HENMT1: variants seen among roughly 807,000 people sequenced by gnomAD.
The protein encoded by HENMT1 is HEN methyltransferase 1.
Under a neutral mutation model 31.1 loss-of-function variants are expected in HENMT1, and 27 were observed. The ratio of observed to expected loss-of-function variants is 0.87; its 90% confidence interval spans 0.64 to 1.20. The LOEUF (loss-of-function observed/expected upper bound fraction) is 1.20, where lower values mean the gene tolerates loss of function less well. Among genes scored for constraint, HENMT1 ranks in the 50% most tolerant of loss-of-function variants. HENMT1 has a pLI of 0.00. For missense variants in HENMT1, 438 were observed against 469.6 expected, an observed-to-expected ratio of 0.93 and a Z score of 0.62; for synonymous variants, 167 against 172.2, an observed-to-expected ratio of 0.97 and a Z score of 0.24.
chr1:108,652,936 T>C (rs1658103129), intron 5 of HENMT1, among the ~76,000 whole-genome samples: 1 of 151,990 alleles, frequency 6.6e-6, no homozygotes, highest in South Asian at 2.1e-4. Context: ...AGTGTTTCTA[T>C]GCCTGACTTA....
In HENMT1 at chr1:108,648,620, A is replaced by T. The variant is rs780895929; in HGVS notation, c.1128T>A (p.Gly376=). Residue 376 remains glycine (G), a synonymous_variant, in exon 8 of 8, where the codon GGT becomes GGA. Coordinates refer to ENST00000651461, the MANE Select transcript of HENMT1 (RefSeq NM_001102592.2). ...IADSIPLSSD[G]SAVVADLRNY... The stretch of plus-strand genomic sequence containing the variant: ...TACGCAGGTCAGCCACCACTGCAGA[A>T]CCATCACTGCTCAGAGGAATTGAGT... The T allele has an allele frequency of 6.2e-7, 1 of 1,614,242 alleles. No homozygotes were observed. The highest frequency in any genetic ancestry group is 2.2e-5 in the East Asian group (1 of 44,896).
chr1:108,655,549 A>C (rs1390773019), intron 4 of HENMT1, 37 bp downstream of exon 4: 1 of 1,203,112 alleles, frequency 8.3e-7, no homozygotes. Flanking sequence ...CATTAGTTTT[A>C]GATTAACGCA....
Position 108,648,774 on chromosome 1 carries a change from T to G in HENMT1, c.974A>C (p.Lys325Thr). ...GPVFTEVEKAKIENSPTPFCV... is the reference protein window; with the variant it reads ...GPVFTEVEKATIENSPTPFCV... Reference sequence around the variant, plus strand: ...GAAGGGTGTGGGAGAGTTCTCTATCTTGGCCTTCTCAACCTCTGTGAAGAC... The same window carrying G: ...GAAGGGTGTGGGAGAGTTCTCTATCGTGGCCTTCTCAACCTCTGTGAAGAC... The change falls in exon 8 of 8, where the codon AAG (lysine) becomes ACG (threonine). Residue 325 changes from lysine to threonine, a missense_variant. Coordinates refer to ENST00000651461, the MANE Select transcript of HENMT1 (RefSeq NM_001102592.2). 6 of 1,614,196 alleles carry G rather than the reference T, an allele frequency of 3.7e-6. No individual in the cohort carries two copies. The highest frequency in any genetic ancestry group is 5.1e-6 in the Non-Finnish European group (6 of 1,180,044).
At chr1:108,650,583 A>G (rs1658021043) in intron 6 of HENMT1, among the ~76,000 whole-genome samples, 195 bp from the exon 7 acceptor site, 1 of 152,184 alleles carries the variant, frequency 6.6e-6, no homozygotes, top group Non-Finnish European at 1.5e-5. Context: ...TCAGTTTCCA[A>G]TTTACCCTAA....
In HENMT1 at chr1:108,661,049, T is replaced by C. The variant is rs1245768935; in HGVS notation, c.-165A>G. ...TGCCCAACCGAAAAAACAAAGCTCG[T>C]CGCGGAGCCGCCAGCGTCCTCAACT... is the stretch of plus-strand genomic sequence containing the variant. On this transcript the variant is annotated 5_prime_UTR_variant, in exon 1 of 8. Coordinates refer to ENST00000651461, the MANE Select transcript of HENMT1 (RefSeq NM_001102592.2). The C allele has an allele frequency of 2.0e-6, 2 of 977,044 alleles. No homozygotes were observed. Among genetic ancestry groups the C allele is most frequent in the South Asian group, 4.7e-5 (1 of 21,108 alleles). The allele number at this position is 977,044 out of a possible 1,614,324, so 60.5% of individuals were successfully genotyped here.
Position 108,651,751 on chromosome 1 carries a change from AGGGAG to A in HENMT1, c.399-547_399-543del, listed in dbSNP as rs1225676791. Among the ~76,000 whole-genome samples, 7 of 141,468 alleles carry A rather than the reference AGGGAG, an allele frequency of 4.9e-5. No individual in the cohort carries two copies. The South Asian group carries it at 1.0e-3, about 20-fold the overall frequency. The allele number at this position is 141,468 out of a possible 152,430, so 92.8% of individuals were successfully genotyped here. A position where few individuals can be genotyped will look rare whatever the true frequency, so the allele number is the denominator to read the frequency against. On this transcript the variant is annotated intron_variant, in intron 5 of 7. Coordinates refer to ENST00000651461, the MANE Select transcript of HENMT1 (RefSeq NM_001102592.2). Reference sequence around the variant, plus strand: ...AAGAGAGAGAAGAGAAGAGAGGGGAAGGGAGGGGAGGGGAGGGGGAAAAAGAACAA... The same window carrying A: ...AAGAGAGAGAAGAGAAGAGAGGGGAAGGGAGGGGAGGGGGAAAAAGAACAA...
In HENMT1 at chr1:108,659,904, G is replaced by T. The variant is rs773936370; in HGVS notation, c.-20C>A. ...TTCCATTTTGTTTCGAAGTTTTGTT[G>T]AAACAAAAATGAAGATTTATCCTTC... On this transcript the variant is annotated 5_prime_UTR_variant, in exon 2 of 8. Transcript: ENST00000651461. The T allele has an allele frequency of 1.1e-5, 17 of 1,597,512 alleles. No individual in the cohort carries two copies. Among genetic ancestry groups the T allele is most frequent in the South Asian group, 1.1e-5 (1 of 88,790 alleles).
chr1:108,661,274 T>C (rs1658474177), upstream of HENMT1: 1 of 152,236 alleles, frequency 6.6e-6, no homozygotes, highest in African/African-American at 2.4e-5. Context: ...AAGGCGTCGG[T>C]TTTGCGTCTC....
chr1:108,657,377 C>T (rs1017799748), intron 3 of HENMT1, 74 bp downstream of exon 3: 2 of 1,069,950 alleles, frequency 1.9e-6, no homozygotes, highest in East Asian at 4.8e-5. Context: ...CCATACTAAT[C>T]CATTTGACAA....
intron 5 of HENMT1, among the ~76,000 whole-genome samples, chr1:108,652,826 C>A (rs565717448): frequency 2.1e-3 from 315 of 151,950 alleles, no homozygotes; most frequent in African/African-American, 7.2e-3. Flanking sequence ...CACCTGTAAT[C>A]CCAGCTGCTC....
At chr1:108,653,579 T>C (rs1658124368) in intron 5 of HENMT1, among the ~76,000 whole-genome samples, 1 of 152,234 alleles carries the variant, frequency 6.6e-6, no homozygotes, top group Non-Finnish European at 1.5e-5. Flanking sequence ...GTTCCCTTTC[T>C]CTGCATCCTT....
At position 108,648,316 on chromosome 1, in the gene HENMT1, C is replaced by T; in HGVS notation, c.*250G>A. On this transcript the variant is annotated 3_prime_UTR_variant, in exon 8 of 8. Coordinates refer to ENST00000651461, the MANE Select transcript of HENMT1 (RefSeq NM_001102592.2). ...AAAATTAACATATTACCACATCCAA[C>T]TTCTTTATTCTTGAGAAAACAAAAA... is the stretch of plus-strand genomic sequence containing the variant. The T allele has an allele frequency of 2.0e-6, 1 of 495,314 alleles. No homozygotes were observed. Among genetic ancestry groups the T allele is most frequent in the East Asian group, 3.4e-5 (1 of 29,268 alleles). 30.7% of individuals were successfully genotyped at this position (495,314 alleles called of 1,614,324 possible). A position where few individuals can be genotyped will look rare whatever the true frequency, so the allele number is the denominator to read the frequency against.
At chr1:108,660,430 T>G (rs2101004801) in intron 1 of HENMT1, among the ~76,000 whole-genome samples, 1 of 152,238 alleles carries the variant, frequency 6.6e-6, no homozygotes, top group East Asian at 1.9e-4. Flanking sequence ...AACTTCAAAT[T>G]TTTTCAAAAA....
At chr1:108,660,058 T>C in intron 1 of HENMT1, 96 bp from the exon 2 acceptor site, 1 of 467,900 alleles carries the variant, frequency 2.1e-6, no homozygotes, top group Non-Finnish European at 3.6e-6. Flanking sequence ...TCTTACTCCT[T>C]ACTACAGTAT....
intron 4 of HENMT1, among the ~76,000 whole-genome samples, chr1:108,655,169 G>A (rs1658179630): frequency 6.6e-6 from 1 of 152,118 alleles, no homozygotes; most frequent in Non-Finnish European, 1.5e-5. Flanking sequence ...GAATATTCTT[G>A]AAGCAATCTG....
intron 2 of HENMT1, 40 bp downstream of exon 2, chr1:108,659,824 T>C: frequency 8.0e-7 from 1 of 1,252,856 alleles, no homozygotes; most frequent in Non-Finnish European, 1.2e-6. Context: ...AGGTGATAAT[T>C]CTTAAGAGTC....
At position 108,654,801 on chromosome 1, in the gene HENMT1, T is replaced by C. The variant is rs747450195; in HGVS notation, c.313A>G (p.Asn105Asp). ...LGDFLKPRDLNLTITLYHGSV... is the reference protein window; with the variant it reads ...LGDFLKPRDLDLTITLYHGSV... The stretch of plus-strand genomic sequence containing the variant: ...CCATGATACAATGTGATGGTCAAAT[T>C]CAGATCCCGAGGTTTCAGAAAATCC... The change falls in exon 5 of 8, where the codon AAT (asparagine) becomes GAT (aspartate). Residue 105 changes from asparagine to aspartate, a missense_variant. Asn to Asp is a conservative substitution (Grantham distance 23). Coordinates refer to ENST00000651461, the MANE Select transcript of HENMT1 (RefSeq NM_001102592.2). 3 of 1,613,966 alleles carry C rather than the reference T, an allele frequency of 1.9e-6. No individual in the cohort carries two copies. The highest frequency in any genetic ancestry group is 2.5e-6 in the Non-Finnish European group (3 of 1,179,978).
chr1:108,654,098 T>A (rs1477788073), intron 5 of HENMT1, among the ~76,000 whole-genome samples: 2 of 152,204 alleles, frequency 1.3e-5, no homozygotes, highest in African/African-American at 4.8e-5. Context: ...TCATTCTGCA[T>A]ATGGATATGC....
In HENMT1 at chr1:108,648,315, ACTT is replaced by A. The variant is rs1657933429; in HGVS notation, c.*248_*250del. 31 of 498,406 alleles carry A rather than the reference ACTT, an allele frequency of 6.2e-5. 1 individual carries two copies. In the South Asian group the frequency reaches 7.6e-4, roughly 12 times the overall value. The allele number at this position is 498,406 out of a possible 1,614,324, so 30.9% of individuals were successfully genotyped here. On this transcript the variant is annotated 3_prime_UTR_variant, in exon 8 of 8. Transcript: ENST00000651461. ...CAAAATTAACATATTACCACATCCA[ACTT>A]CTTTATTCTTGAGAAAACAAAAAAG...
Sources: gnomAD v4.1 joint callset for allele counts (sites outside exome capture counted in the v4.1 genomes callset) on GRCh38, gnomAD v4.1.1 for gene constraint, MANE v1.5 for transcripts, NCBI Gene and HGNC (gene_info 2026-07-23, HGNC 2026-07-21) for gene names.